Variants in ZHX2 observed in about 807,000 individuals in gnomAD.
The protein encoded by ZHX2 is zinc fingers and homeoboxes protein 2.
Under a neutral mutation model 21.9 loss-of-function variants are expected in ZHX2, and 6 were observed. That is an observed-to-expected ratio of 0.27 (90% CI 0.15 to 0.54). ZHX2 has a LOEUF of 0.54. ZHX2 is among the 20% of genes least tolerant of loss of function. ZHX2 has a pLI of 0.95. For missense variants in ZHX2, 908 were observed against 1,090.7 expected (o/e 0.83, Z 2.36); for synonymous variants, 434 against 437.1 (o/e 0.99, Z 0.09).
At position 122,953,067 on chromosome 8, in the gene ZHX2, T is replaced by C. The variant is rs764496775; in HGVS notation, c.1557T>C (p.Gly519=). ...DQLAIAASRH[G]RTYHAYPDFA... ...TGGCCATCGCGGCCTCCCGACACGG[T>C]CGCACGTATCATGCGTACCCAGACT... Residue 519 remains glycine (G), a synonymous_variant, in exon 3 of 4, where the codon GGT becomes GGC. Coordinates refer to ENST00000314393, the MANE Select transcript of ZHX2 (RefSeq NM_014943.5). This position sits in a 1 kb window ranked among gnomAD's most constrained non-coding sequence, Gnocchi z 4.6. 17 of 1,613,796 alleles carry C rather than the reference T, an allele frequency of 1.1e-5. No homozygotes were observed. In the South Asian group the frequency reaches 1.8e-4, roughly 17 times the overall value.
At chr8:122,789,760 G>A (rs1020654632) in intron 1 of ZHX2, among the ~76,000 whole-genome samples, 1 of 152,238 alleles carries the variant, frequency 6.6e-6, no homozygotes, top group African/African-American at 2.4e-5. Flanking sequence ...GAGGATTGAA[G>A]CGCCAGCTCT....
intron 2 of ZHX2, among the ~76,000 whole-genome samples, chr8:122,868,008 C>T (rs1819339314): frequency 6.6e-6 from 1 of 152,174 alleles, no homozygotes; most frequent in Non-Finnish European, 1.5e-5. Flanking sequence ...AGTTCCTCTG[C>T]TCTGGTCTTC....
chr8:122,950,537 C>G (rs1033233426), intron 2 of ZHX2, among the ~76,000 whole-genome samples: 2 of 152,068 alleles, frequency 1.3e-5, no homozygotes, highest in Admixed American at 6.5e-5. Context: ...ACATGCATAC[C>G]TATGTAACAA....
chr8:122,837,893 C>G (rs1818539719), intron 1 of ZHX2, among the ~76,000 whole-genome samples: 1 of 152,206 alleles, frequency 6.6e-6, no homozygotes, highest in Admixed American at 6.5e-5. Flanking sequence ...GGAGACAATT[C>G]CATTTCAGAC....
rs764892739 is a variant in ZHX2 at position 122,828,334 on chromosome 8, G to T, written c.-282-35143G>T. On this transcript the variant is annotated intron_variant, in intron 1 of 3. Coordinates refer to ENST00000314393, the MANE Select transcript of ZHX2 (RefSeq NM_014943.5). The surrounding 1 kb of genome is among the most constrained non-coding windows in gnomAD (Gnocchi z 5.2). ...GAAAGTATCTGTACAGTGCATGTGCGTGTGTGTGTTAGTGATATGGAGGAA... is the reference window on the plus strand; with the variant it reads ...GAAAGTATCTGTACAGTGCATGTGCTTGTGTGTGTTAGTGATATGGAGGAA... Among the ~76,000 whole-genome samples the T allele has an allele frequency of 2.0e-5, 3 of 152,216 alleles. No individual in the cohort carries two copies. Among genetic ancestry groups the T allele is most frequent in the Non-Finnish European group, 1.5e-5 (1 of 68,042 alleles).
At chr8:122,955,074 G>GGT (rs1813261492) in intron 3 of ZHX2, among the ~76,000 whole-genome samples, 7 of 134,980 alleles carry the variant, frequency 5.2e-5, no homozygotes, top group Non-Finnish European at 1.1e-4. Context: ...TAAGCCGGGG[G>GGT]GGGGGGGGTG....
chr8:122,953,041 T>C lies in ZHX2; in HGVS notation c.1531T>C (p.Leu511=), dbSNP rs772043402. ...ITSESLAKDQ[L]AIAASRHGRT... ...CAGCGAATCCCTTGCCAAAGACCAGTTGGCCATCGCGGCCTCCCGACACGG... is the reference window on the plus strand; with the variant it reads ...CAGCGAATCCCTTGCCAAAGACCAGCTGGCCATCGCGGCCTCCCGACACGG... The change falls in exon 3 of 4, where the codon TTG becomes CTG. Residue 511 remains leucine, a synonymous_variant. Transcript: ENST00000314393. The surrounding 1 kb of genome is among the most constrained non-coding windows in gnomAD (Gnocchi z 4.6). The C allele has an allele frequency of 8.1e-6, 13 of 1,614,062 alleles. 1 individual carries two copies. In the South Asian group the frequency reaches 1.4e-4, roughly 18 times the overall value.
intron 1 of ZHX2, among the ~76,000 whole-genome samples, chr8:122,834,336 G>A (rs1278477539): frequency 3.9e-5 from 6 of 152,220 alleles, no homozygotes; most frequent in Admixed American, 3.3e-4. Context: ...GGCGGTCCTT[G>A]CTGGGGCTGC....
chr8:122,918,070 T>C (rs919930958), intron 2 of ZHX2, among the ~76,000 whole-genome samples: 1 of 152,228 alleles, frequency 6.6e-6, no homozygotes, highest in African/African-American at 2.4e-5. Context: ...ATAAGACTAA[T>C]GGCTAATCTT....
chr8:122,951,807 G>A lies in ZHX2; in HGVS notation c.297G>A (p.Met99Ile). 1 of 1,614,112 alleles carries A rather than the reference G, an allele frequency of 6.2e-7. No individual in the cohort carries two copies. Among genetic ancestry groups the A allele is most frequent in the Non-Finnish European group, 8.5e-7 (1 of 1,180,038 alleles). ...NLNEFTEHVDMQHPNVILNPL... is the reference protein window; with the variant it reads ...NLNEFTEHVDIQHPNVILNPL... ...ACGAGTTCACGGAGCATGTCGACATGCAGCATCCCAACGTGATTCTCAACC... is the reference window on the plus strand; with the variant it reads ...ACGAGTTCACGGAGCATGTCGACATACAGCATCCCAACGTGATTCTCAACC... Residue 99 changes from methionine to isoleucine, a missense_variant, in exon 3 of 4, where the codon ATG (methionine) becomes ATA (isoleucine). Met to Ile is a conservative substitution (Grantham distance 10, BLOSUM62 1). This residue lies in a region of ZHX2 where 220 missense variants were observed against 251.4 expected (regional missense o/e 0.88). Coordinates refer to ENST00000314393, the MANE Select transcript of ZHX2 (RefSeq NM_014943.5).
intron 2 of ZHX2, among the ~76,000 whole-genome samples, chr8:122,936,094 GA>G (rs1446559644): frequency 6.6e-6 from 1 of 152,170 alleles, no homozygotes; most frequent in Middle Eastern, 3.4e-3. Context: ...TGTCCGAAAA[GA>G]AAAAAACAAC....
chr8:122,848,325 G>A (rs950296656), intron 1 of ZHX2, among the ~76,000 whole-genome samples: 2 of 152,178 alleles, frequency 1.3e-5, no homozygotes, highest in East Asian at 1.9e-4. Flanking sequence ...TGAAGAAGGC[G>A]AAGAAGGCAG....
chr8:122,937,378 G>T (rs1812724207), intron 2 of ZHX2, among the ~76,000 whole-genome samples: 2 of 152,156 alleles, frequency 1.3e-5, no homozygotes, highest in African/African-American at 4.8e-5. Flanking sequence ...ATCAGGTTTG[G>T]CAAGCAGGTG....
At chr8:122,858,663 C>G (rs541823676) in intron 1 of ZHX2, among the ~76,000 whole-genome samples, 7 of 112,122 alleles carry the variant, frequency 6.2e-5, no homozygotes, top group African/African-American at 2.1e-4. Flanking sequence ...TTTTTTGAGA[C>G]AGAATCTCAC....
chr8:122,851,928 C>T (rs1818911292), intron 1 of ZHX2, among the ~76,000 whole-genome samples: 1 of 152,202 alleles, frequency 6.6e-6, no homozygotes, highest in East Asian at 1.9e-4. Flanking sequence ...AAACGCATTG[C>T]GTGAAAGTAC....
intron 1 of ZHX2, among the ~76,000 whole-genome samples, chr8:122,816,993 G>A (rs1818048811): frequency 1.3e-5 from 2 of 152,170 alleles, no homozygotes; most frequent in Non-Finnish European, 2.9e-5. Flanking sequence ...AGTGCTGGGA[G>A]CTCTCCATGC....
chr8:122,815,385 A>G (rs900760775), intron 1 of ZHX2: 1 of 152,228 alleles, frequency 6.6e-6, no homozygotes, highest in Admixed American at 6.5e-5. Flanking sequence ...ATACAGGCAT[A>G]CCTCATTTTA....
At chr8:122,920,918 C>T (rs1005451696) in intron 2 of ZHX2, among the ~76,000 whole-genome samples, 4 of 152,106 alleles carry the variant, frequency 2.6e-5, no homozygotes, top group African/African-American at 9.7e-5. Context: ...ACAGCACCTA[C>T]GTTTGCGTCC....
At chr8:122,882,647 A>T (rs1314219994) in intron 2 of ZHX2, among the ~76,000 whole-genome samples, 1 of 152,078 alleles carries the variant, frequency 6.6e-6, no homozygotes, top group Non-Finnish European at 1.5e-5. Context: ...TGCTGCTTGC[A>T]ATCTTTCCAT....
Sources: allele counts gnomAD v4.1 joint callset (sites outside exome capture counted in the v4.1 genomes callset), GRCh38; gene constraint gnomAD v4.1.1; regional missense constraint gnomAD v4.1.1; non-coding constraint Gnocchi (gnomAD v3.1); transcripts MANE v1.5; gene names NCBI Gene and HGNC (gene_info 2026-07-23, HGNC 2026-07-21).